Variants in GADL1 observed in about 807,000 individuals in gnomAD.
GADL1 encodes GAD like acidic amino acid decarboxylase 1, also known as acidic amino acid decarboxylase GADL1.
In GADL1, 71 loss-of-function variants were observed where a neutral mutation model predicts 69.5. The observed-to-expected ratio is 1.02, with a 90% CI of 0.84 to 1.25. The LOEUF (loss-of-function observed/expected upper bound fraction) is 1.25, where lower values mean the gene tolerates loss of function less well. GADL1 is among the 50% of genes most tolerant of loss of function. GADL1 has a pLI of 0.00. For missense variants in GADL1, 737 were observed against 631.8 expected, an observed-to-expected ratio of 1.17 and a Z score of -1.79; for synonymous variants, 254 against 214.4, an observed-to-expected ratio of 1.18 and a Z score of -1.62.
Position 30,727,610 on chromosome 3 carries a change from A to AT in GADL1, c.*631dup, listed in dbSNP as rs1246418026. On this transcript the variant is annotated 3_prime_UTR_variant, in exon 15 of 15. Coordinates refer to ENST00000282538, the MANE Select transcript of GADL1 (RefSeq NM_207359.3). Reference sequence around the variant, plus strand: ...TTTGTGCTGCAGATGCCATAGTTGTATTTTTTCAAAGACTGGCTCAGAGGC... The same window carrying AT: ...TTTGTGCTGCAGATGCCATAGTTGTATTTTTTTCAAAGACTGGCTCAGAGGC... 1 of 152,014 alleles carries AT rather than the reference A, an allele frequency of 6.6e-6. No individual in the cohort carries two copies. Among genetic ancestry groups the AT allele is most frequent in the African/African-American group, 2.4e-5 (1 of 41,382 alleles). 9.4% of individuals were successfully genotyped at this position (152,014 alleles called of 1,614,324 possible).
chr3:30,810,869 T>A (rs1697339079), intron 11 of GADL1, among the ~76,000 whole-genome samples: 1 of 151,794 alleles, frequency 6.6e-6, no homozygotes, highest in South Asian at 2.1e-4. Flanking sequence ...GGGAAGGAAG[T>A]CCCTCCCCCT....
intron 14 of GADL1, among the ~76,000 whole-genome samples, chr3:30,746,909 T>C (rs1695715862): frequency 6.6e-6 from 1 of 152,162 alleles, no homozygotes. Context: ...AAATGAGATA[T>C]GAGAGTTTAA....
intron 11 of GADL1, among the ~76,000 whole-genome samples, chr3:30,804,336 G>T (rs922238096): frequency 6.6e-6 from 1 of 152,120 alleles, no homozygotes; most frequent in African/African-American, 2.4e-5. Context: ...AGGAGGCTCT[G>T]TTTGAAGACA....
At chr3:30,868,485 G>A (rs1167882113) in intron 1 of GADL1, among the ~76,000 whole-genome samples, 1 of 150,488 alleles carries the variant, frequency 6.6e-6, no homozygotes. Context: ...CTCTGCTTCT[G>A]TGACCTTACT....
At chr3:30,824,163 A>G (rs1406033544) in intron 11 of GADL1, among the ~76,000 whole-genome samples, 1 of 151,920 alleles carries the variant, frequency 6.6e-6, no homozygotes, top group Non-Finnish European at 1.5e-5. Flanking sequence ...AATAGTAGAA[A>G]TATTTTTAAA....
At chr3:30,890,861 C>A (rs1234019484) in intron 1 of GADL1, among the ~76,000 whole-genome samples, 1 of 152,178 alleles carries the variant, frequency 6.6e-6, no homozygotes, top group East Asian at 1.9e-4. Flanking sequence ...AGTCTATAAC[C>A]TACTACCTGC....
intron 14 of GADL1, among the ~76,000 whole-genome samples, chr3:30,768,945 A>G (rs927128905): frequency 2.6e-5 from 4 of 152,152 alleles, no homozygotes; most frequent in African/African-American, 9.7e-5. Flanking sequence ...AGCACTTCAA[A>G]GAGACCATGG....
chr3:30,737,872 A>G (rs1695561545), intron 14 of GADL1, among the ~76,000 whole-genome samples: 1 of 152,212 alleles, frequency 6.6e-6, no homozygotes, highest in Non-Finnish European at 1.5e-5. Context: ...CTACAGAAAC[A>G]AAGAGTTTAG....
chr3:30,884,721 TTAAAC>T (rs1433826086), intron 1 of GADL1, among the ~76,000 whole-genome samples: 1 of 152,082 alleles, frequency 6.6e-6, no homozygotes, highest in Non-Finnish European at 1.5e-5. Flanking sequence ...GAGGATATAT[TTAAAC>T]TAATCTTTAT....
chr3:30,767,447 A>C (rs767141546), intron 14 of GADL1, among the ~76,000 whole-genome samples: 1 of 152,176 alleles, frequency 6.6e-6, no homozygotes, highest in Non-Finnish European at 1.5e-5. Flanking sequence ...CAGATTGGAA[A>C]ACTGAAATAG....
intron 14 of GADL1, among the ~76,000 whole-genome samples, chr3:30,754,734 A>AT (rs1695924021): frequency 6.6e-6 from 1 of 152,224 alleles, no homozygotes; most frequent in Non-Finnish European, 1.5e-5. Context: ...CAAATTAAGC[A>AT]GTGAGATGTT....
intron 14 of GADL1, among the ~76,000 whole-genome samples, chr3:30,770,287 T>G (rs1356325039): frequency 6.6e-6 from 1 of 152,218 alleles, no homozygotes; most frequent in East Asian, 1.9e-4. Context: ...TAAGCATTAA[T>G]TAAGCTTCTG....
In GADL1 at chr3:30,872,553, T is replaced by C. The variant is rs199942302; in HGVS notation, c.38-10788A>G. On this transcript the variant is annotated intron_variant, in intron 1 of 14. Transcript: ENST00000282538. ...GCCTGTTTTTAGTTTGCTTGTTTAC[T>C]TGAGGCCATTTTTGGTCTAACTAGC... 2.8e-4 allele frequency among the ~76,000 whole-genome samples: 43 copies of C among 152,046 alleles called. No individual in the cohort carries two copies. In the South Asian group the frequency reaches 7.1e-3, roughly 25 times the overall value.
At chr3:30,859,083 G>C (rs1381591907) in intron 2 of GADL1, among the ~76,000 whole-genome samples, 3 of 152,008 alleles carry the variant, frequency 2.0e-5, no homozygotes, top group Admixed American at 6.6e-5. Flanking sequence ...TTGACTTAGA[G>C]AGGTGGGGGC....
chr3:30,820,446 T>G (rs1317922277), intron 11 of GADL1, among the ~76,000 whole-genome samples: 1 of 152,152 alleles, frequency 6.6e-6, no homozygotes, highest in Non-Finnish European at 1.5e-5. Flanking sequence ...AATCATATTC[T>G]TGGAAATGCA....
At chr3:30,751,833 T>C (rs141022188) in intron 14 of GADL1, among the ~76,000 whole-genome samples, 5 of 152,324 alleles carry the variant, frequency 3.3e-5, no homozygotes, top group Admixed American at 2.0e-4. Context: ...TTTTTGTCTC[T>C]GACTAAACAC....
At chr3:30,783,701 T>C (rs1457596326) in intron 13 of GADL1, among the ~76,000 whole-genome samples, 1 of 152,186 alleles carries the variant, frequency 6.6e-6, no homozygotes, top group Non-Finnish European at 1.5e-5. Context: ...CCAGGAATTC[T>C]GGAAAACCAT....
intron 8 of GADL1, among the ~76,000 whole-genome samples, chr3:30,840,426 T>A (rs1697947326): frequency 6.6e-6 from 1 of 152,138 alleles, no homozygotes. Flanking sequence ...CCAAAACTTT[T>A]AGAGCCAAGT....
At chr3:30,763,772 ATATCTT>A (rs1375566104) in intron 14 of GADL1, among the ~76,000 whole-genome samples, 1 of 120,152 alleles carries the variant, frequency 8.3e-6, no homozygotes, top group Admixed American at 8.5e-5. Context: ...CTTAAAGACC[ATATCTT>A]TATCTATCTC....
Sources: gnomAD v4.1 joint callset for allele counts (sites outside exome capture counted in the v4.1 genomes callset) on GRCh38, gnomAD v4.1.1 for gene constraint, MANE v1.5 for transcripts, NCBI Gene and HGNC (gene_info 2026-07-23, HGNC 2026-07-21) for gene names.